DAPK2: variants seen among roughly 807,000 people sequenced by gnomAD.
DAPK2 encodes death associated protein kinase 2.
In DAPK2, 35 loss-of-function variants were observed where a neutral mutation model predicts 44.1. The observed-to-expected ratio is 0.79, with a 90% CI of 0.61 to 1.05. DAPK2 has a LOEUF of 1.05. Ranked by LOEUF, DAPK2 falls within the 50% of genes least tolerant of loss-of-function variation. The pLI, the probability that DAPK2 is intolerant of heterozygous loss-of-function variation, is 0.00. For synonymous variants in DAPK2, 174 were observed against 182.6 expected (o/e 0.95, Z 0.38); for missense variants, 453 against 483.2 (o/e 0.94, Z 0.59).
chr15:63,951,620 G>T (rs2077589242), intron 3 of DAPK2, among the ~76,000 whole-genome samples: 1 of 151,824 alleles, frequency 6.6e-6, no homozygotes, highest in African/African-American at 2.4e-5. Flanking sequence ...TCCCCACCGA[G>T]TCTCACTATG....
intron 1 of DAPK2, among the ~76,000 whole-genome samples, chr15:63,996,778 A>G (rs1362207195): frequency 2.0e-5 from 3 of 152,352 alleles, no homozygotes; most frequent in Admixed American, 6.5e-5. Context: ...GCTTTGCCCA[A>G]GGGAGGACTA....
chr15:64,017,806 G>A (rs2079571530), intron 1 of DAPK2, among the ~76,000 whole-genome samples: 1 of 152,196 alleles, frequency 6.6e-6, no homozygotes, highest in Non-Finnish European at 1.5e-5. Flanking sequence ...TTCCCATTGT[G>A]TTGAAAAGCA....
chr15:64,036,303 G>GTATA (rs1225495882), intron 1 of DAPK2, among the ~76,000 whole-genome samples: 940 of 48,442 alleles, frequency 0.019, 9 homozygotes, highest in African/African-American at 0.029. Context: ...GTGTGTGTGT[G>GTATA]TGTGTGTATA....
In DAPK2 at chr15:64,020,712, TG is replaced by T. The variant is rs1302767314; in HGVS notation, c.92+19457del. On this transcript the variant is annotated intron_variant, in intron 1 of 10. Coordinates refer to ENST00000261891, the Ensembl canonical transcript of DAPK2. This position sits in a 1 kb window ranked among gnomAD's most constrained non-coding sequence, Gnocchi z 4.5. ...ATGGAATGACGTCAGGGTAGCCCCT[TG>T]ACAGCAGGCCTCTAAAGAAAGTCCC... 5.3e-4 allele frequency among the ~76,000 whole-genome samples: 80 copies of T among 152,316 alleles called. No homozygotes were observed. Among genetic ancestry groups the T allele is most frequent in the African/African-American group, 1.7e-3 (72 of 41,566 alleles).
chr15:63,985,662 G>GGGCTT lies in DAPK2; in HGVS notation c.93-1913_93-1909dup, dbSNP rs767405513. On this transcript the variant is annotated intron_variant, in intron 1 of 10. Coordinates refer to ENST00000261891, the Ensembl canonical transcript of DAPK2. The stretch of plus-strand genomic sequence containing the variant: ...TACAGAGCACATAGGCAGTGGCGCA[G>GGGCTT]GGCTTGGCTTGGCATCCAAATCCCC... Among the ~76,000 whole-genome samples the GGGCTT allele has an allele frequency of 5.8e-4, 88 of 152,352 alleles. 3 individuals carry two copies. Among genetic ancestry groups the GGGCTT allele is most frequent in the Admixed American group, 4.3e-3 (66 of 15,304 alleles).
chr15:63,911,426 T>G (rs1218625006), intron 10 of DAPK2: 1 of 170,376 alleles, frequency 5.9e-6, no homozygotes, highest in Non-Finnish European at 1.3e-5. Flanking sequence ...ACCAGTATAT[T>G]CTGTTATAAG....
chr15:64,038,569 C>T (rs999531166), intron 1 of DAPK2, among the ~76,000 whole-genome samples: 13 of 152,238 alleles, frequency 8.5e-5, no homozygotes, highest in South Asian at 4.1e-4. Flanking sequence ...ATTTGCTCCC[C>T]CACCCACCAT....
chr15:63,998,575 G>A (rs1034292130), intron 1 of DAPK2, among the ~76,000 whole-genome samples: 2 of 152,128 alleles, frequency 1.3e-5, no homozygotes, highest in African/African-American at 4.8e-5. Context: ...AGGCTCTCTG[G>A]CTCCCTGGGT....
chr15:63,930,575 A>G, intron 4 of DAPK2, 120 bp from the exon 6 acceptor site: 1 of 918,930 alleles, frequency 1.1e-6, no homozygotes, highest in Non-Finnish European at 1.7e-6. Flanking sequence ...GGAAAATTAG[A>G]GCAGCAGATA....
At chr15:63,963,149 C>T (rs1362537784) in intron 3 of DAPK2, among the ~76,000 whole-genome samples, 2 of 152,218 alleles carry the variant, frequency 1.3e-5, no homozygotes, top group Admixed American at 6.5e-5. Flanking sequence ...ACCCTCTGAG[C>T]CAGGCACGGG....
In DAPK2 at chr15:63,912,219, G is replaced by A. The variant is rs188760559; in HGVS notation, c.859-22C>T. On this transcript the variant is annotated intron_variant, in intron 8 of 10. Transcript: ENST00000261891. The surrounding 1 kb of genome is among the most constrained non-coding windows in gnomAD (Gnocchi z 4.4). ...CCGGCTGAGAGACAAAGCAGAGCAT[G>A]GCAGCTGATGCTGGGCTTCAGACAG... The A allele has an allele frequency of 3.7e-6, 6 of 1,612,210 alleles. No homozygotes were observed. In the African/African-American group the frequency reaches 6.7e-5, roughly 18 times the overall value.
intron 1 of DAPK2, among the ~76,000 whole-genome samples, chr15:64,024,445 A>C (rs1790186150): frequency 6.6e-6 from 1 of 152,230 alleles, no homozygotes; most frequent in African/African-American, 2.4e-5. Flanking sequence ...CGGACATTAA[A>C]GGACAGAGAC....
intron 5 of DAPK2, chr15:63,929,906 G>A (rs1335848613): frequency 4.1e-6 from 2 of 491,194 alleles, no homozygotes; most frequent in Non-Finnish European, 7.7e-6. Context: ...CTACCTCACA[G>A]GACTGTTGGC....
chr15:63,911,249 AGAAGAAGAG>A (rs1327134807), intron 10 of DAPK2: 1 of 151,540 alleles, frequency 6.6e-6, no homozygotes, highest in Admixed American at 6.6e-5. Context: ...AAAAAGAAGA[AGAAGAAGAG>A]GAAGAATATG....
At chr15:64,042,396 T>G (rs1463551941), upstream of DAPK2, among the ~76,000 whole-genome samples, 4 of 152,174 alleles carry the variant, frequency 2.6e-5, no homozygotes, top group African/African-American at 9.7e-5. The surrounding 1 kb of genome is among the most constrained non-coding windows in gnomAD (Gnocchi z 4.7). Flanking sequence ...GGTCAGGTCC[T>G]GCAGGGTGGG....
chr15:63,939,498 A>T lies in DAPK2; in HGVS notation c.454-137T>A, dbSNP rs1207703130. 5 of 762,292 alleles carry T rather than the reference A, an allele frequency of 6.6e-6. No homozygotes were observed. The highest frequency in any genetic ancestry group is 1.0e-5 in the Non-Finnish European group (5 of 486,622). 47.2% of individuals were successfully genotyped at this position (762,292 alleles called of 1,614,324 possible). On this transcript the variant is annotated intron_variant, in intron 3 of 10. Transcript: ENST00000261891. The surrounding 1 kb of genome is among the most constrained non-coding windows in gnomAD (Gnocchi z 4.3). The stretch of plus-strand genomic sequence containing the variant: ...GGTGTTCTTTTTAGGAGACTGAAAC[A>T]GCATAAACTCTTCCTTGTTTTTGGT...
At chr15:63,979,758 C>CA (rs1006725190) in intron 2 of DAPK2, among the ~76,000 whole-genome samples, 32 of 151,500 alleles carry the variant, frequency 2.1e-4, no homozygotes, top group Non-Finnish European at 4.1e-4. Flanking sequence ...ACTAAAAATA[C>CA]AAAAAAAATT....
chr15:63,955,110 C>A (rs979262720), intron 3 of DAPK2, among the ~76,000 whole-genome samples: 1 of 152,156 alleles, frequency 6.6e-6, no homozygotes, highest in Non-Finnish European at 1.5e-5. Flanking sequence ...GATAATTTTA[C>A]CTCTTCCTGT....
At chr15:63,964,015 T>C (rs1371629744) in intron 3 of DAPK2, among the ~76,000 whole-genome samples, 1 of 152,224 alleles carries the variant, frequency 6.6e-6, no homozygotes, top group Admixed American at 6.5e-5. Context: ...ATATTCTGTG[T>C]TTTTCTGTGT....
Sources: gnomAD v4.1 joint callset for allele counts (sites outside exome capture counted in the v4.1 genomes callset) on GRCh38, gnomAD v4.1.1 for gene constraint, Gnocchi (gnomAD v3.1) non-coding constraint, MANE v1.5 for transcripts, NCBI Gene and HGNC (gene_info 2026-07-23, HGNC 2026-07-21) for gene names.